Variants in DTNA observed in about 807,000 individuals in gnomAD.
DTNA encodes dystrophin-related protein 3.
In DTNA, 43 loss-of-function variants were observed where a neutral mutation model predicts 100.7. The ratio of observed to expected loss-of-function variants is 0.43; its 90% CI spans 0.33 to 0.55. The LOEUF (loss-of-function observed/expected upper bound fraction) is 0.55, where lower values mean the gene tolerates loss of function less well. DTNA is among the 20% of genes least tolerant of loss of function. DTNA has a pLI of 0.04. For missense variants in DTNA, 798 were observed against 953.9 expected (o/e 0.84, Z 2.15); for synonymous variants, 349 against 347.9 (o/e 1.00, Z -0.04).
chr18:34,883,860 A>C (rs1471195944), intron 21 of DTNA, among the ~76,000 whole-genome samples: 2 of 152,226 alleles, frequency 1.3e-5, no homozygotes, highest in Admixed American at 6.5e-5. Context: ...TTTCAGAAGC[A>C]ACTAAAATGT....
At chr18:34,882,031 A>C in intron 20 of DTNA, 38 bp from the exon 21 acceptor site, 1 of 1,613,818 alleles carries the variant, frequency 6.2e-7, no homozygotes, top group Admixed American at 1.7e-5. Context: ...TTCTCTTTTA[A>C]GATTTGCTCT....
At chr18:34,508,582 G>A (rs1205291848) in intron 1 of DTNA, among the ~76,000 whole-genome samples, 2 of 152,174 alleles carry the variant, frequency 1.3e-5, no homozygotes, top group Non-Finnish European at 1.5e-5. Context: ...AATGTTTTAT[G>A]ATGGTGCTGA....
chr18:34,707,649 G>GA (rs1189792562), upstream of DTNA, among the ~76,000 whole-genome samples: 1 of 151,948 alleles, frequency 6.6e-6, no homozygotes, highest in African/African-American at 2.4e-5. Context: ...ATCTCCAGGG[G>GA]AAAAAAATGT....
chr18:34,868,969 A>G (rs2096736875), intron 17 of DTNA, among the ~76,000 whole-genome samples: 1 of 152,200 alleles, frequency 6.6e-6, no homozygotes, highest in Admixed American at 6.5e-5. Flanking sequence ...TCCAGTTCCA[A>G]ATATTATGTA....
At chr18:34,760,394 T>C (rs1328309717) in intron 2 of DTNA, among the ~76,000 whole-genome samples, 1 of 152,124 alleles carries the variant, frequency 6.6e-6, no homozygotes, top group African/African-American at 2.4e-5. Context: ...ATATACAATT[T>C]GTCTTTCTCT....
chr18:34,805,378 G>A (rs1322214934), intron 4 of DTNA, among the ~76,000 whole-genome samples: 1 of 152,080 alleles, frequency 6.6e-6, no homozygotes, highest in Non-Finnish European at 1.5e-5. Flanking sequence ...AGGCTGGAGT[G>A]CAGTGGCACA....
At chr18:34,787,792 A>G (rs2094559677) in intron 3 of DTNA, among the ~76,000 whole-genome samples, 1 of 152,196 alleles carries the variant, frequency 6.6e-6, no homozygotes, top group Admixed American at 6.5e-5. Flanking sequence ...GATTGCCTGG[A>G]TTTATAGAAA....
intron 1 of DTNA, among the ~76,000 whole-genome samples, chr18:34,617,056 A>G (rs2055443524): frequency 6.6e-6 from 1 of 152,134 alleles, no homozygotes; most frequent in Admixed American, 6.6e-5. Flanking sequence ...GTATAGGATC[A>G]TATCTGCAAG....
At chr18:34,830,369 T>A (rs1333164358) in intron 11 of DTNA, among the ~76,000 whole-genome samples, 1 of 152,140 alleles carries the variant, frequency 6.6e-6, no homozygotes, top group Non-Finnish European at 1.5e-5. Flanking sequence ...GAGGCTGAAT[T>A]GAAATCCCCA....
chr18:34,537,816 CAG>C (rs1015882847), intron 1 of DTNA, among the ~76,000 whole-genome samples: 15 of 151,476 alleles, frequency 9.9e-5, no homozygotes, highest in Non-Finnish European at 1.8e-4. Context: ...AAGGAGGAGA[CAG>C]AGGTAGATTA....
rs1289057236 is a variant in DTNA, at chr18:34,634,345, T to TA, written c.-1-121627dup. Among the ~76,000 whole-genome samples, 6 of 152,290 alleles carry TA rather than the reference T, an allele frequency of 3.9e-5. No homozygotes were observed. The South Asian group carries it at 1.0e-3, about 26-fold the overall frequency. ...ACTTAGAAATTAAAATTAAGAAATT[T>TA]AAAATTTTTTTACTTACCTATTAAG... is the stretch of plus-strand genomic sequence containing the variant. On this transcript the variant is annotated intron_variant, in intron 1 of 19. Coordinates refer to the DTNA transcript ENST00000283365.
intron 1 of DTNA, among the ~76,000 whole-genome samples, chr18:34,632,439 G>A (rs1052779835): frequency 6.6e-6 from 1 of 152,082 alleles, no homozygotes; most frequent in Non-Finnish European, 1.5e-5. Flanking sequence ...TCTATATAAC[G>A]CTGGGCATGG....
chr18:34,612,654 A>C (rs924300600), intron 1 of DTNA, among the ~76,000 whole-genome samples: 7 of 152,348 alleles, frequency 4.6e-5, no homozygotes, highest in African/African-American at 1.7e-4. Context: ...AGCAATAAAC[A>C]AAGAAAGATT....
intron 1 of DTNA, among the ~76,000 whole-genome samples, chr18:34,620,476 C>T (rs181591037): frequency 2.6e-5 from 4 of 152,236 alleles, no homozygotes; most frequent in Admixed American, 1.3e-4. Context: ...GCTTACTCAT[C>T]GTATTAGTTT....
chr18:34,510,287 G>T (rs2040925273), intron 1 of DTNA, among the ~76,000 whole-genome samples: 1 of 151,658 alleles, frequency 6.6e-6, no homozygotes, highest in African/African-American at 2.4e-5. Flanking sequence ...TTTTGTTTTT[G>T]TGTGTGTTCT....
At chr18:34,818,123 CT>C in intron 7 of DTNA, 40 bp from the exon 8 acceptor site, 3 of 1,613,540 alleles carry the variant, frequency 1.9e-6, no homozygotes, top group South Asian at 1.1e-5. Context: ...CTGGTTCATA[CT>C]TTTGTTTTCT....
At chr18:34,708,437 TACC>T (rs2082383457), upstream of DTNA, among the ~76,000 whole-genome samples, 1 of 152,216 alleles carries the variant, frequency 6.6e-6, no homozygotes, top group South Asian at 2.1e-4. Context: ...CCAAAATGAA[TACC>T]ACAATGAACT....
rs529493904 is a variant in DTNA at position 34,546,958 on chromosome 18, C to T, written c.-2+53444C>T. 4.6e-5 allele frequency among the ~76,000 whole-genome samples: 7 copies of T among 151,996 alleles called. No homozygotes were observed. In the East Asian group the frequency reaches 9.7e-4, roughly 21 times the overall value. On this transcript the variant is annotated intron_variant, in intron 1 of 19. Coordinates refer to the DTNA transcript ENST00000283365. ...ACTCCCAACCTCAATCCACCCACCT[C>T]GGCCTCCCAAAATGCTGGCATTACA...
intron 4 of DTNA, among the ~76,000 whole-genome samples, chr18:34,803,517 A>G (rs541181510): frequency 6.6e-6 from 1 of 152,152 alleles, no homozygotes; most frequent in South Asian, 2.1e-4. Flanking sequence ...TAAATAAATT[A>G]TTCTCTCGGA....
Sources: allele counts gnomAD v4.1 joint callset (sites outside exome capture counted in the v4.1 genomes callset), GRCh38; gene constraint gnomAD v4.1.1; transcripts MANE v1.5; gene names NCBI Gene and HGNC (gene_info 2026-07-23, HGNC 2026-07-21).